PROX1: variants seen among roughly 807,000 people sequenced by gnomAD.
The protein encoded by PROX1 is prospero homeobox protein 1.
In PROX1, 7 loss-of-function variants were observed where a neutral mutation model predicts 58.8. The ratio of observed to expected loss-of-function variants is 0.12; its 90% CI spans 0.07 to 0.22. PROX1 has a LOEUF of 0.22. Ranked by LOEUF, PROX1 falls within the 10% of genes least tolerant of loss-of-function variation. The pLI, the probability that PROX1 is intolerant of heterozygous loss-of-function variation, is 1.00. For missense variants in PROX1, 675 were observed against 927.8 expected (o/e 0.73, Z 3.54); for synonymous variants, 350 against 358.3 (o/e 0.98, Z 0.26).
At chr1:213,994,803 A>ATATATATATATATATAT (rs1558167657) in intron 1 of PROX1, among the ~76,000 whole-genome samples, 2 of 123,282 alleles carry the variant, frequency 1.6e-5, no homozygotes, top group Non-Finnish European at 3.4e-5. Context: ...ATATATATAT[A>ATATATATATATATATAT]AAGAGGTATC....
Position 213,997,937 on chromosome 1 carries a change from C to G in PROX1, c.1402C>G (p.Pro468Ala). 6.2e-7 allele frequency: 1 copy of G among 1,613,892 alleles called. No individual in the cohort carries two copies. The highest frequency in any genetic ancestry group is 8.5e-7 in the Non-Finnish European group (1 of 1,179,876). ...CCACCACCAGCCCCTGCACCAGTCG[C>G]CTCTCTCTGCCACCACGGGCTTCAC... is the stretch of plus-strand genomic sequence containing the variant. ...GGHHQPLHQS[P>A]LSATTGFTTS... Residue 468 changes from proline to alanine, a missense_variant, in exon 2 of 5, where the codon CCT becomes GCT. Coordinates refer to ENST00000366958, the MANE Select transcript of PROX1 (RefSeq NM_001270616.2). The surrounding 1 kb of genome is among the most constrained non-coding windows in gnomAD (Gnocchi z 7.1).
chr1:214,027,214 C>T (rs1230906412), intron 4 of PROX1, among the ~76,000 whole-genome samples: 1 of 151,820 alleles, frequency 6.6e-6, no homozygotes, highest in Admixed American at 6.6e-5. Context: ...TTTGCTTCCC[C>T]CAACCCCCAC....
intron 2 of PROX1, among the ~76,000 whole-genome samples, chr1:214,001,241 A>T (rs1663499868): frequency 6.6e-6 from 1 of 152,160 alleles, no homozygotes; most frequent in African/African-American, 2.4e-5. Flanking sequence ...TCATTATCCC[A>T]TCTAGTAGAA....
intron 4 of PROX1, among the ~76,000 whole-genome samples, chr1:214,031,855 A>G (rs2102779040): frequency 6.6e-6 from 1 of 152,264 alleles, no homozygotes; most frequent in African/African-American, 2.4e-5. Context: ...TGTGTGGATG[A>G]AATTCACTGG....
rs1482090431 is a variant in PROX1, at chr1:214,037,273, T to C, written c.*1439T>C. On this transcript the variant is annotated 3_prime_UTR_variant, in exon 5 of 5. Coordinates refer to ENST00000366958, the MANE Select transcript of PROX1 (RefSeq NM_001270616.2). ...TGTGTCCAGATGCAGTAAGAATTCA[T>C]TGTTCATCCTAAAACTGTTTTCCAG... 1 of 152,234 alleles carries C rather than the reference T, an allele frequency of 6.6e-6. No individual in the cohort carries two copies. Among genetic ancestry groups the C allele is most frequent in the Non-Finnish European group, 1.5e-5 (1 of 68,052 alleles). The allele number at this position is 152,234 out of a possible 1,614,324, so 9.4% of individuals were successfully genotyped here.
chr1:213,997,971 C>T lies in PROX1; in HGVS notation c.1436C>T (p.Thr479Ile), dbSNP rs78142452. 2.0e-5 allele frequency: 32 copies of T among 1,614,014 alleles called. No individual in the cohort carries two copies. The highest frequency in any genetic ancestry group is 2.7e-5 in the Non-Finnish European group (32 of 1,179,928). The stretch of plus-strand genomic sequence containing the variant: ...GCCACCACGGGCTTCACCACGTCCA[C>T]CTTCCGCCACCCCTTCCCCCTTCCC... ...LSATTGFTTS[T>I]FRHPFPLPLM... Residue 479 changes from threonine (T) to isoleucine (I), a missense_variant, in exon 2 of 5, where the codon ACC becomes ATC. Around this residue, in one of 8 missense-constraint regions of PROX1, gnomAD observed 403 missense variants for 477.4 expected, o/e 0.84. Transcript: ENST00000366958. This position sits in a 1 kb window ranked among gnomAD's most constrained non-coding sequence, Gnocchi z 7.1.
intron 4 of PROX1, chr1:214,030,317 C>G (rs528850585): frequency 1.3e-5 from 2 of 151,912 alleles, no homozygotes; most frequent in Admixed American, 1.3e-4. Flanking sequence ...ATTTCTCCAT[C>G]GAAGCAAGTT....
chr1:214,003,349 A>T (rs1252489098), intron 2 of PROX1, among the ~76,000 whole-genome samples: 2 of 152,122 alleles, frequency 1.3e-5, no homozygotes, highest in African/African-American at 4.8e-5. Context: ...CTTGCCTAAA[A>T]CTCTTATCAC....
In PROX1 at chr1:214,036,935, T is replaced by A. The variant is rs1410256159; in HGVS notation, c.*1101T>A. 6.6e-6 allele frequency: 1 copy of A among 152,242 alleles called. No homozygotes were observed. Among genetic ancestry groups the A allele is most frequent in the Non-Finnish European group, 1.5e-5 (1 of 68,050 alleles). 9.4% of individuals were successfully genotyped at this position (152,242 alleles called of 1,614,324 possible). On this transcript the variant is annotated 3_prime_UTR_variant, in exon 5 of 5. Coordinates refer to ENST00000366958, the MANE Select transcript of PROX1 (RefSeq NM_001270616.2). ...ACACTATCCTGATGGGTATGCAAAG[T>A]GGTGACAGTCTAACTCAGTGTTTCT...
intron 1 of PROX1, among the ~76,000 whole-genome samples, chr1:213,994,854 T>C (rs1663198279): frequency 6.8e-6 from 1 of 146,476 alleles, no homozygotes; most frequent in African/African-American, 2.5e-5. Flanking sequence ...TCTTTTAAAA[T>C]GTTTTATCTT....
At chr1:213,995,358 C>G (rs924256904) in intron 1 of PROX1, among the ~76,000 whole-genome samples, 3 of 152,122 alleles carry the variant, frequency 2.0e-5, no homozygotes, top group African/African-American at 4.8e-5. Context: ...TACTGTGTTT[C>G]CAAGAAACAA....
At chr1:214,013,071 C>T (rs1663971055) in intron 4 of PROX1, among the ~76,000 whole-genome samples, 1 of 151,882 alleles carries the variant, frequency 6.6e-6, no homozygotes, top group South Asian at 2.1e-4. Flanking sequence ...GTGTAAGCTA[C>T]CTATTTGTCT....
chr1:214,000,393 A>T (rs1663461721), intron 2 of PROX1, among the ~76,000 whole-genome samples: 1 of 152,246 alleles, frequency 6.6e-6, no homozygotes, highest in South Asian at 2.1e-4. Flanking sequence ...TACATATCAA[A>T]GGCTTTAAAG....
chr1:214,003,447 T>C (rs1438092189), intron 2 of PROX1, among the ~76,000 whole-genome samples: 1 of 152,208 alleles, frequency 6.6e-6, no homozygotes, highest in African/African-American at 2.4e-5. Flanking sequence ...TTTAGTCTTC[T>C]GTATCAGTCT....
chr1:214,015,826 G>C (rs995421051), intron 4 of PROX1, among the ~76,000 whole-genome samples: 2 of 152,190 alleles, frequency 1.3e-5, no homozygotes, highest in African/African-American at 4.8e-5. Context: ...AGGGTACCGG[G>C]AGGTAGTGTT....
chr1:214,007,289 A>G (rs1663750067), intron 3 of PROX1, among the ~76,000 whole-genome samples: 1 of 152,146 alleles, frequency 6.6e-6, no homozygotes, highest in South Asian at 2.1e-4. Context: ...TTCTATCCAT[A>G]CCTTACCCAT....
intron 4 of PROX1, among the ~76,000 whole-genome samples, chr1:214,018,842 T>C (rs1664185386): frequency 2.0e-5 from 3 of 152,188 alleles, no homozygotes; most frequent in Non-Finnish European, 2.9e-5. Flanking sequence ...CCTTTTGGTA[T>C]TTAAAGAGAA....
chr1:214,004,060 T>C (rs1306290270), intron 2 of PROX1, among the ~76,000 whole-genome samples: 1 of 152,232 alleles, frequency 6.6e-6, no homozygotes, highest in African/African-American at 2.4e-5. Context: ...AGAAAATCCT[T>C]AGAGAAGCTT....
chr1:213,993,705 T>C (rs867470832), intron 1 of PROX1, among the ~76,000 whole-genome samples: 1 of 152,232 alleles, frequency 6.6e-6, no homozygotes, highest in Admixed American at 6.5e-5. Context: ...CTAAATTAAA[T>C]CTAAGCTATA....
Sources: allele counts gnomAD v4.1 joint callset (sites outside exome capture counted in the v4.1 genomes callset), GRCh38; gene constraint gnomAD v4.1.1; regional missense constraint gnomAD v4.1.1; non-coding constraint Gnocchi (gnomAD v3.1); transcripts MANE v1.5; gene names NCBI Gene and HGNC (gene_info 2026-07-23, HGNC 2026-07-21).